PPM1L: variants seen among roughly 807,000 people sequenced by gnomAD.
The protein encoded by PPM1L is protein phosphatase, Mg2+/Mn2+ dependent 1L.
PPM1L carries 13 observed loss-of-function variants against 31.4 expected under a neutral mutation model. The ratio of observed to expected loss-of-function variants is 0.41; its 90% CI spans 0.27 to 0.66. PPM1L has a LOEUF of 0.66. Among genes scored for constraint, PPM1L ranks in the 30% least tolerant of loss-of-function variants. The pLI, the probability that PPM1L is intolerant of heterozygous loss-of-function variation, is 0.29. For missense variants in PPM1L, 326 were observed against 453.7 expected (o/e 0.72, Z 2.56); for synonymous variants, 184 against 175.4 (o/e 1.05, Z -0.39).
intron 2 of PPM1L, among the ~76,000 whole-genome samples, chr3:160,971,973 G>C (rs1716355643): frequency 6.6e-6 from 1 of 152,024 alleles, no homozygotes; most frequent in Non-Finnish European, 1.5e-5. Flanking sequence ...TTACTGTGTT[G>C]TCCAGGCTGG....
intron 1 of PPM1L, among the ~76,000 whole-genome samples, chr3:160,877,602 T>C (rs1020526001): frequency 5.3e-5 from 8 of 152,106 alleles, no homozygotes; most frequent in African/African-American, 1.9e-4. Flanking sequence ...ATAGGTTTAA[T>C]AGGCAAAAGA....
chr3:160,961,482 G>A (rs1270511175), intron 1 of PPM1L, among the ~76,000 whole-genome samples: 1 of 152,152 alleles, frequency 6.6e-6, no homozygotes, highest in Admixed American at 6.6e-5. Context: ...CACTAAATCT[G>A]CGAATATCTA....
intron 1 of PPM1L, chr3:160,842,145 G>T (rs1406523297): frequency 1.5e-6 from 1 of 646,524 alleles, no homozygotes; most frequent in Non-Finnish European, 2.8e-6. Flanking sequence ...GAGATTTTGT[G>T]TGCGTGCATC....
intron 1 of PPM1L, among the ~76,000 whole-genome samples, chr3:160,777,353 G>A (rs1475297711): frequency 6.6e-6 from 1 of 152,076 alleles, no homozygotes; most frequent in African/African-American, 2.4e-5. Flanking sequence ...TTTTTGATAT[G>A]TGCTCTTTTT....
At chr3:160,887,820 T>C (rs1712973000) in intron 1 of PPM1L, among the ~76,000 whole-genome samples, 1 of 152,002 alleles carries the variant, frequency 6.6e-6, no homozygotes, top group African/African-American at 2.4e-5. Flanking sequence ...CCTGACCTCA[T>C]GATCTGCCCG....
At chr3:160,897,294 G>A (rs1177499828) in intron 1 of PPM1L, among the ~76,000 whole-genome samples, 1 of 152,030 alleles carries the variant, frequency 6.6e-6, no homozygotes. Flanking sequence ...ACCCGACTTG[G>A]CCTCCCAAAG....
intron 1 of PPM1L, among the ~76,000 whole-genome samples, chr3:160,762,200 T>C (rs113403533): frequency 0.016 from 2,512 of 152,354 alleles, 62 homozygotes; most frequent in African/African-American, 0.057. Context: ...TTTCACATTA[T>C]GATGTATAAG....
intron 1 of PPM1L, among the ~76,000 whole-genome samples, chr3:160,892,423 C>G (rs559078104): frequency 1.3e-5 from 2 of 152,276 alleles, no homozygotes; most frequent in African/African-American, 4.8e-5. Flanking sequence ...AATCCACCCC[C>G]ATGACCCACA....
chr3:160,852,009 A>G (rs920556579), intron 1 of PPM1L, among the ~76,000 whole-genome samples: 17 of 152,330 alleles, frequency 1.1e-4, no homozygotes, highest in African/African-American at 3.6e-4. Context: ...GTTCTGTTTT[A>G]TACATAATCA....
intron 2 of PPM1L, among the ~76,000 whole-genome samples, chr3:161,056,870 TG>T (rs1719427513): frequency 6.6e-6 from 1 of 152,046 alleles, no homozygotes; most frequent in African/African-American, 2.4e-5. Context: ...AAGACCAACC[TG>T]GACAATATGG....
At chr3:161,018,789 A>T (rs1718157607) in intron 2 of PPM1L, among the ~76,000 whole-genome samples, 1 of 152,220 alleles carries the variant, frequency 6.6e-6, no homozygotes, top group African/African-American at 2.4e-5. Flanking sequence ...CAAGAATCGA[A>T]GCAGAACTGC....
At chr3:160,860,601 A>G (rs1711853450) in intron 1 of PPM1L, among the ~76,000 whole-genome samples, 1 of 152,216 alleles carries the variant, frequency 6.6e-6, no homozygotes, top group Non-Finnish European at 1.5e-5. Flanking sequence ...GAATCCCTGT[A>G]TGGATTTGGA....
intron 1 of PPM1L, among the ~76,000 whole-genome samples, chr3:160,830,998 T>C (rs1431191363): frequency 6.6e-6 from 1 of 152,194 alleles, no homozygotes; most frequent in Non-Finnish European, 1.5e-5. Flanking sequence ...AGCTGAACAG[T>C]ACCAACTGCA....
chr3:160,890,514 G>C (rs946229881), intron 1 of PPM1L, among the ~76,000 whole-genome samples: 1 of 152,162 alleles, frequency 6.6e-6, no homozygotes, highest in African/African-American at 2.4e-5. Context: ...CATCCTCATG[G>C]ATAGTAAGAA....
chr3:160,918,849 G>T (rs1714284001), intron 1 of PPM1L, among the ~76,000 whole-genome samples: 1 of 152,078 alleles, frequency 6.6e-6, no homozygotes, highest in African/African-American at 2.4e-5. Flanking sequence ...TGACAAGTTT[G>T]CTAATGATAA....
intron 2 of PPM1L, among the ~76,000 whole-genome samples, chr3:161,015,156 A>C (rs1040779963): frequency 6.6e-6 from 1 of 151,880 alleles, no homozygotes; most frequent in Non-Finnish European, 1.5e-5. Context: ...GCATCATAAT[A>C]CACATTTCTA....
intron 1 of PPM1L, among the ~76,000 whole-genome samples, chr3:160,858,252 CTTTTT>C (rs939626514): frequency 6.6e-6 from 1 of 151,916 alleles, no homozygotes; most frequent in Non-Finnish European, 1.5e-5. Context: ...CTTTTCTTTT[CTTTTT>C]TTTCTTTTTT....
intron 1 of PPM1L, among the ~76,000 whole-genome samples, chr3:160,871,299 A>C (rs1712294925): frequency 6.6e-6 from 1 of 152,216 alleles, no homozygotes; most frequent in African/African-American, 2.4e-5. Flanking sequence ...AAATCTAAAC[A>C]AAAAGAGGTT....
At chr3:160,970,406 C>T (rs766420943) in intron 2 of PPM1L, among the ~76,000 whole-genome samples, 17 of 150,528 alleles carry the variant, frequency 1.1e-4, no homozygotes, top group East Asian at 1.9e-4. Context: ...TTTGAGGCTA[C>T]GTAGGTGACT....
Sources: allele counts gnomAD v4.1 joint callset (sites outside exome capture counted in the v4.1 genomes callset), GRCh38; gene constraint gnomAD v4.1.1; transcripts MANE v1.5; gene names NCBI Gene and HGNC (gene_info 2026-07-23, HGNC 2026-07-21).